ATRNL1: variants seen among roughly 807,000 people sequenced by gnomAD.
ATRNL1 encodes the protein attractin-like protein 1.
A neutral mutation model predicts 182.7 loss-of-function variants in ATRNL1; 95 were observed. The ratio of observed to expected loss-of-function variants is 0.52; its 90% CI spans 0.44 to 0.62. ATRNL1 has a LOEUF of 0.62. Among genes scored for constraint, ATRNL1 ranks in the 20% least tolerant of loss-of-function variants. The probability of loss-of-function intolerance (pLI) is 0.00; values close to 1 mark genes in which losing one functional copy is unlikely to be tolerated. For synonymous variants in ATRNL1, 576 were observed against 568.3 expected (o/e 1.01, Z -0.19); for missense variants, 1,471 against 1,679.5 (o/e 0.88, Z 2.17).
At chr10:115,205,142 A>G (rs1240474588) in intron 8 of ATRNL1, among the ~76,000 whole-genome samples, 3 of 152,130 alleles carry the variant, frequency 2.0e-5, no homozygotes, top group African/African-American at 7.2e-5. Flanking sequence ...ACTTTTGTCT[A>G]TTAACCTTTA....
chr10:115,932,695 C>G (rs551780190), intron 28 of ATRNL1, among the ~76,000 whole-genome samples: 1 of 152,184 alleles, frequency 6.6e-6, no homozygotes, highest in Non-Finnish European at 1.5e-5. Context: ...TGTATATTTT[C>G]TATTTATTTT....
chr10:115,464,188 A>T (rs1320820966), intron 22 of ATRNL1, among the ~76,000 whole-genome samples: 2 of 152,002 alleles, frequency 1.3e-5, no homozygotes, highest in African/African-American at 4.8e-5. Flanking sequence ...GAATTCTTAT[A>T]ATATCATTTT....
At chr10:115,674,913 C>G (rs1337468752) in intron 26 of ATRNL1, among the ~76,000 whole-genome samples, 3 of 152,112 alleles carry the variant, frequency 2.0e-5, no homozygotes, top group Non-Finnish European at 4.4e-5. Flanking sequence ...AATACCACAT[C>G]TTTATGAAAT....
intron 8 of ATRNL1, among the ~76,000 whole-genome samples, chr10:115,203,941 G>A (rs1554893156): frequency 1.3e-5 from 2 of 151,374 alleles, no homozygotes; most frequent in Non-Finnish European, 2.9e-5. Flanking sequence ...TGAAATTACT[G>A]TATTTCTAAA....
chr10:115,429,896 T>A (rs1341909700), intron 21 of ATRNL1, among the ~76,000 whole-genome samples: 1 of 152,024 alleles, frequency 6.6e-6, no homozygotes, highest in Non-Finnish European at 1.5e-5. Flanking sequence ...TGAAACCCCG[T>A]CTCTACTAAA....
chr10:115,644,867 T>G (rs1158719203), intron 26 of ATRNL1, among the ~76,000 whole-genome samples: 1 of 152,172 alleles, frequency 6.6e-6, no homozygotes, highest in Non-Finnish European at 1.5e-5. Context: ...TTATACATGC[T>G]TAATTGGGGA....
chr10:115,601,708 A>G (rs1468323049), intron 26 of ATRNL1, among the ~76,000 whole-genome samples: 1 of 152,138 alleles, frequency 6.6e-6, no homozygotes, highest in African/African-American at 2.4e-5. Context: ...TAATATTTGC[A>G]CAACATATCA....
At chr10:115,241,808 A>G (rs1286555596) in intron 10 of ATRNL1, 83 bp downstream of exon 10, 6 of 1,136,212 alleles carry the variant, frequency 5.3e-6, no homozygotes, top group South Asian at 1.6e-5. Flanking sequence ...AATTGATAGC[A>G]TGTGTATATG....
intron 9 of ATRNL1, among the ~76,000 whole-genome samples, chr10:115,232,654 T>G (rs1281570461): frequency 6.6e-6 from 1 of 152,096 alleles, no homozygotes; most frequent in African/African-American, 2.4e-5. Flanking sequence ...CTTCCACACA[T>G]TTAGTCTTTA....
At chr10:115,144,400 C>T (rs557885108) in intron 5 of ATRNL1, among the ~76,000 whole-genome samples, 5 of 152,104 alleles carry the variant, frequency 3.3e-5, no homozygotes, top group South Asian at 4.2e-4. Context: ...CCTCGTGATC[C>T]GCCTTCCTCA....
At chr10:115,134,841 T>G (rs1845429578) in intron 5 of ATRNL1, among the ~76,000 whole-genome samples, 2 of 152,124 alleles carry the variant, frequency 1.3e-5, no homozygotes, top group South Asian at 4.1e-4. Context: ...TCCACCATGA[T>G]CAAGTGGGCT....
chr10:115,438,112 A>G (rs980407297), intron 21 of ATRNL1, among the ~76,000 whole-genome samples: 42 of 152,034 alleles, frequency 2.8e-4, no homozygotes, highest in Non-Finnish European at 2.8e-4. Context: ...AAAAATTCAC[A>G]TATAAAATTT....
chr10:115,127,874 C>T (rs1435988314), intron 4 of ATRNL1, among the ~76,000 whole-genome samples, 153 bp downstream of exon 4: 1 of 152,040 alleles, frequency 6.6e-6, no homozygotes, highest in East Asian at 1.9e-4. Context: ...TCTTAAGTGA[C>T]ATAAAATCTT....
intron 10 of ATRNL1, among the ~76,000 whole-genome samples, chr10:115,253,746 A>G (rs1320468492): frequency 6.6e-6 from 1 of 151,874 alleles, no homozygotes; most frequent in Non-Finnish European, 1.5e-5. Context: ...CCATCAACTC[A>G]TCATTTACAT....
chr10:115,912,210 T>A (rs1952701523), intron 28 of ATRNL1, among the ~76,000 whole-genome samples: 1 of 152,164 alleles, frequency 6.6e-6, no homozygotes, highest in South Asian at 2.1e-4. Context: ...AACCATTGAT[T>A]GTTGATTATA....
intron 9 of ATRNL1, among the ~76,000 whole-genome samples, chr10:115,234,597 T>TC (rs1356554940): frequency 7.1e-6 from 1 of 140,120 alleles, no homozygotes; most frequent in Non-Finnish European, 1.5e-5. Context: ...TTTTTCTTTT[T>TC]TTTTTTTTTT....
intron 24 of ATRNL1, among the ~76,000 whole-genome samples, chr10:115,505,148 T>A (rs979449005): frequency 2.0e-5 from 3 of 152,088 alleles, no homozygotes; most frequent in Admixed American, 6.6e-5. Context: ...AAATCTGTCA[T>A]AGAATTGTAT....
chr10:115,864,148 A>T (rs908465403), intron 28 of ATRNL1, among the ~76,000 whole-genome samples: 1 of 152,118 alleles, frequency 6.6e-6, no homozygotes, highest in African/African-American at 2.4e-5. Flanking sequence ...AGTTCCAGCT[A>T]TTCAAGAGGC....
Position 115,946,105 on chromosome 10 carries a change from A to G in ATRNL1, c.*1326A>G, listed in dbSNP as rs1043309951. On this transcript the variant is annotated 3_prime_UTR_variant, in exon 29 of 29. Transcript: ENST00000355044. ...AGTTTCCTCACTTCAGGGTGACAAG[A>G]TATGTATAACAGTGACAGAAATCTC... The G allele has an allele frequency of 6.6e-5, 10 of 152,256 alleles. No homozygotes were observed. Among genetic ancestry groups the G allele is most frequent in the Non-Finnish European group, 1.3e-4 (9 of 68,052 alleles). 9.4% of individuals were successfully genotyped at this position (152,256 alleles called of 1,614,324 possible).
Sources: gnomAD v4.1 joint callset for allele counts (sites outside exome capture counted in the v4.1 genomes callset) on GRCh38, gnomAD v4.1.1 for gene constraint, MANE v1.5 for transcripts, NCBI Gene and HGNC (gene_info 2026-07-23, HGNC 2026-07-21) for gene names.